TNS3: variants seen among roughly 807,000 people sequenced by gnomAD.
The protein encoded by TNS3 is tensin 3.
In TNS3, 45 loss-of-function variants were observed where a neutral mutation model predicts 140.9. The observed-to-expected ratio is 0.32, with a 90% CI of 0.25 to 0.41. The LOEUF is 0.41. Ranked by LOEUF, TNS3 falls within the 10% of genes least tolerant of loss-of-function variation. The pLI is 1.00. For synonymous variants in TNS3, 815 were observed against 788.4 expected (o/e 1.03, Z -0.56); for missense variants, 1,716 against 1,906.7 (o/e 0.90, Z 1.86).
intron 9 of TNS3, among the ~76,000 whole-genome samples, chr7:47,424,541 G>T (rs1469318668): frequency 6.6e-6 from 1 of 152,126 alleles, no homozygotes; most frequent in Non-Finnish European, 1.5e-5. Context: ...ACTGTCCCTT[G>T]GCCACCCTAC....
chr7:47,356,782 T>C (rs1374908563), intron 17 of TNS3, among the ~76,000 whole-genome samples: 5 of 152,044 alleles, frequency 3.3e-5, no homozygotes, highest in East Asian at 1.9e-4. Context: ...AATTAAAACA[T>C]AGAAAAAACA....
chr7:47,522,492 G>C (rs952510799), intron 2 of TNS3, among the ~76,000 whole-genome samples: 4 of 152,192 alleles, frequency 2.6e-5, no homozygotes, highest in Non-Finnish European at 5.9e-5. Context: ...GGCCTCAACA[G>C]ACCATGGCAC....
At chr7:47,491,067 G>A (rs924929135) in intron 3 of TNS3, among the ~76,000 whole-genome samples, 10 of 152,124 alleles carry the variant, frequency 6.6e-5, no homozygotes, top group Admixed American at 4.6e-4. Flanking sequence ...GCAAGAGGCC[G>A]ACAGAGCGCG....
intron 27 of TNS3, among the ~76,000 whole-genome samples, chr7:47,287,390 T>C (rs936121125): frequency 1.3e-5 from 2 of 152,230 alleles, no homozygotes; most frequent in African/African-American, 4.8e-5. Context: ...CTAATATTTC[T>C]GAGTTTCAGC....
chr7:47,571,184 G>T (rs528516987), intron 1 of TNS3, among the ~76,000 whole-genome samples: 2 of 152,188 alleles, frequency 1.3e-5, no homozygotes, highest in Admixed American at 1.3e-4. Flanking sequence ...AAAAGGAATC[G>T]AAGGCTAACC....
chr7:47,282,249 C>T (rs1474778422), intron 28 of TNS3, among the ~76,000 whole-genome samples: 1 of 150,426 alleles, frequency 6.6e-6, no homozygotes, highest in Non-Finnish European at 1.5e-5. Flanking sequence ...TGAGCCATAC[C>T]CAACTGGGAC....
intron 13 of TNS3, among the ~76,000 whole-genome samples, chr7:47,404,221 C>T (rs1287820172): frequency 6.6e-6 from 1 of 152,200 alleles, no homozygotes; most frequent in Non-Finnish European, 1.5e-5. Flanking sequence ...CACAAAAGTA[C>T]GTGGGTGTGA....
intron 20 of TNS3, among the ~76,000 whole-genome samples, chr7:47,319,935 T>C (rs1386289626): frequency 1.3e-5 from 2 of 152,182 alleles, no homozygotes; most frequent in African/African-American, 4.8e-5. Context: ...TTCTAAAGCG[T>C]CCTGTGAGCA....
At chr7:47,334,811 G>A (rs2150938223) in intron 20 of TNS3, among the ~76,000 whole-genome samples, 1 of 152,132 alleles carries the variant, frequency 6.6e-6, no homozygotes, top group East Asian at 1.9e-4. Context: ...GTTTCACCAT[G>A]TTGGCCAGGA....
intron 3 of TNS3, among the ~76,000 whole-genome samples, chr7:47,490,638 G>A (rs1219257262): frequency 6.6e-6 from 1 of 152,210 alleles, no homozygotes; most frequent in African/African-American, 2.4e-5. Flanking sequence ...CATAATGAAG[G>A]GAAGCCTGAA....
At position 47,344,947 on chromosome 7, in the gene TNS3, G is replaced by T; in HGVS notation, c.2543C>A (p.Pro848His). The change falls in exon 19 of 31, where the codon CCT becomes CAT. Residue 848 changes from proline to histidine, a missense_variant. Coordinates refer to ENST00000311160, the MANE Select transcript of TNS3 (RefSeq NM_022748.12). ...KESMCSTPAFPVSPETPYVKT... is the reference protein window; with the variant it reads ...KESMCSTPAFHVSPETPYVKT... ...ACCATACGGTGTCTCTGGAGACACAGGAAATGCTGGAGTTGAACACATGGA... is the reference window on the plus strand; with the variant it reads ...ACCATACGGTGTCTCTGGAGACACATGAAATGCTGGAGTTGAACACATGGA... The T allele has an allele frequency of 6.2e-7, 1 of 1,614,232 alleles. No homozygotes were observed.
chr7:47,452,741 G>A lies in TNS3; in HGVS notation c.-75-10686C>T, dbSNP rs118147727. Among the ~76,000 whole-genome samples, 84 of 152,280 alleles carry A rather than the reference G, an allele frequency of 5.5e-4. No homozygotes were observed. The East Asian group carries it at 0.012, about 21-fold the overall frequency. ...TTTCCCAAGAAGGGGCAGATGGGGCGGATGGTTCTTAGGACACAAGGTCCC... is the reference window on the plus strand; with the variant it reads ...TTTCCCAAGAAGGGGCAGATGGGGCAGATGGTTCTTAGGACACAAGGTCCC... On this transcript the variant is annotated intron_variant, in intron 4 of 30. Transcript: ENST00000311160.
chr7:47,280,120 A>G (rs1263192441), intron 30 of TNS3, 44 bp downstream of exon 30: 5 of 1,611,930 alleles, frequency 3.1e-6, no homozygotes, highest in Non-Finnish European at 4.2e-6. Flanking sequence ...TTTGGAGTAC[A>G]ACTGCAGACA....
At chr7:47,582,382 G>A (rs1375337034), upstream of TNS3, 1 of 455,854 alleles carries the variant, frequency 2.2e-6, no homozygotes, top group Non-Finnish European at 4.4e-6. Context: ...CAGGCTCCAA[G>A]TGGTCTGGAG....
rs966459508 is a variant in TNS3 at position 47,409,002 on chromosome 7, G to C, written c.723+2725C>G. ...CTCTAGGGCAAAAACTTCACTCATG[G>C]GCCTAGAGCAAGCATAGCAACTCCA... On this transcript the variant is annotated intron_variant, in intron 13 of 30. Coordinates refer to ENST00000311160, the MANE Select transcript of TNS3 (RefSeq NM_022748.12). Among the ~76,000 whole-genome samples the C allele has an allele frequency of 4.6e-5, 7 of 151,884 alleles. No individual in the cohort carries two copies. The East Asian group carries it at 1.4e-3, about 29-fold the overall frequency.
chr7:47,408,091 C>T (rs567442200), intron 13 of TNS3, among the ~76,000 whole-genome samples: 2 of 152,096 alleles, frequency 1.3e-5, no homozygotes, highest in Non-Finnish European at 2.9e-5. Flanking sequence ...GAGCCAGCAA[C>T]AGGTAGAAGA....
intron 16 of TNS3, among the ~76,000 whole-genome samples, chr7:47,376,516 C>T (rs911654875): frequency 1.3e-5 from 2 of 152,168 alleles, no homozygotes; most frequent in Admixed American, 6.5e-5. Context: ...ATTCCCAAAG[C>T]AATCCTGTGA....
intron 4 of TNS3, among the ~76,000 whole-genome samples, chr7:47,475,325 C>T (rs1402009356): frequency 6.6e-6 from 1 of 152,340 alleles, no homozygotes; most frequent in East Asian, 1.9e-4. Context: ...TTACCCAACC[C>T]CTCTTCCAGG....
chr7:47,332,239 G>C (rs889229144), intron 20 of TNS3, among the ~76,000 whole-genome samples: 1 of 152,250 alleles, frequency 6.6e-6, no homozygotes, highest in East Asian at 1.9e-4. Context: ...GTCTAGAGGG[G>C]ATGGAACTGT....
Sources: gnomAD v4.1 joint callset for allele counts (sites outside exome capture counted in the v4.1 genomes callset) on GRCh38, gnomAD v4.1.1 for gene constraint, MANE v1.5 for transcripts, NCBI Gene and HGNC (gene_info 2026-07-23, HGNC 2026-07-21) for gene names.